The following ZFAND2B variants were observed in gnomAD, a reference collection of about 807,000 sequenced individuals.
ZFAND2B encodes the protein AN1-type zinc finger protein 2B.
Under a neutral mutation model 38.2 loss-of-function variants are expected in ZFAND2B, and 27 were observed. The ratio of observed to expected loss-of-function variants is 0.71; its 90% confidence interval spans 0.52 to 0.97. The LOEUF is 0.97. ZFAND2B is among the 50% of genes least tolerant of loss of function. The probability of loss-of-function intolerance (pLI) is 0.00; values close to 1 mark genes in which losing one functional copy is unlikely to be tolerated. For synonymous variants in ZFAND2B, 111 were observed against 119.4 expected, an observed-to-expected ratio of 0.93 and a Z score of 0.46; for missense variants, 303 against 331.5, an observed-to-expected ratio of 0.91 and a Z score of 0.67.
At position 219,209,294 on chromosome 2, in the gene ZFAND2B, C is replaced by T. The variant is rs549350866; in HGVS notation, c.762C>T (p.Cys254=). 1.0e-4 allele frequency: 162 copies of T among 1,611,144 alleles called. 4 individuals carry two copies. The South Asian group carries it at 1.5e-3, about 15-fold the overall frequency. ...AQSRSSKPSN[C]SLC ...GCCGCAGCTCGAAGCCGTCCAACTG[C>T]AGCCTGTGCTAGGGCCCTGGGCTTG... The change falls in exon 9 of 9, where the codon TGC becomes TGT. Residue 254 remains cysteine, a synonymous_variant. Coordinates refer to ENST00000289528, the MANE Select transcript of ZFAND2B (RefSeq NM_138802.3).
At position 219,206,870 on chromosome 2, in the gene ZFAND2B, G is replaced by A. The variant is rs1950490608; in HGVS notation, c.-118G>A. On this transcript the variant is annotated 5_prime_UTR_variant, in exon 1 of 9. Transcript: ENST00000289528. ...GGTAACCCGGGCTGGGCGGGGGAGA[G>A]GAAGGGGCGGGGCAGGGAGCCCGCC... The A allele has an allele frequency of 1.7e-6, 2 of 1,162,636 alleles. No homozygotes were observed. The highest frequency in any genetic ancestry group is 1.2e-6 in the Non-Finnish European group (1 of 834,692). 72.0% of individuals were successfully genotyped at this position (1,162,636 alleles called of 1,614,324 possible).
rs1950534759 is a variant in ZFAND2B, at chr2:219,208,997, T to C, written c.677T>C (p.Leu226Pro). 6 of 1,614,194 alleles carry C rather than the reference T, an allele frequency of 3.7e-6. No homozygotes were observed. Among genetic ancestry groups the C allele is most frequent in the African/African-American group, 1.3e-5 (1 of 75,054 alleles). The change falls in exon 8 of 9, where the codon CTA becomes CCA. Residue 226 changes from leucine to proline, a missense_variant. By Grantham distance (98) the Leu-to-Pro change is moderately conservative. Coordinates refer to ENST00000289528, the MANE Select transcript of ZFAND2B (RefSeq NM_138802.3). ...QVPSCQEEEDLALAQALSASE... is the reference protein window; with the variant it reads ...QVPSCQEEEDPALAQALSASE... ...CCCAGTTGTCAGGAGGAAGAAGACC[T>C]AGCTTTAGCACAAGCACTGTCAGCC...
rs1288371108 is a variant in ZFAND2B at position 219,208,502 on chromosome 2, G to T, written c.588+16G>T. 1 of 1,614,258 alleles carries T rather than the reference G, an allele frequency of 6.2e-7. No individual in the cohort carries two copies. ...GAATGGCCTGGTGAGTTGGGCAGAG[G>T]TTGGATGGACAGAAACAAACACACA... On this transcript the variant is annotated intron_variant, in intron 6 of 8. Transcript: ENST00000289528.
rs1460719165 is a variant in ZFAND2B, at chr2:219,209,394, C to T, written c.*88C>T. The T allele has an allele frequency of 1.3e-6, 2 of 1,493,874 alleles. No homozygotes were observed. Among genetic ancestry groups the T allele is most frequent in the African/African-American group, 2.8e-5 (2 of 72,718 alleles). 92.5% of individuals were successfully genotyped at this position (1,493,874 alleles called of 1,614,324 possible). A position where few individuals can be genotyped will look rare whatever the true frequency, so the allele number is the denominator to read the frequency against. ...ACACAGGGAGAGGAGGCCCGGAGCACCCTGGAGGGCAGAGACAAGCGGGAG... is the reference window on the plus strand; with the variant it reads ...ACACAGGGAGAGGAGGCCCGGAGCATCCTGGAGGGCAGAGACAAGCGGGAG... On this transcript the variant is annotated 3_prime_UTR_variant, in exon 9 of 9. Coordinates refer to ENST00000289528, the MANE Select transcript of ZFAND2B (RefSeq NM_138802.3).
In ZFAND2B at chr2:219,209,520, G is replaced by A; in HGVS notation, c.*214G>A. 1.4e-6 allele frequency: 1 copy of A among 715,758 alleles called. No homozygotes were observed. 44.3% of individuals were successfully genotyped at this position (715,758 alleles called of 1,614,324 possible). ...ACTGTTCCCTGGTTGGGCCCTCAGT[G>A]GATGCTGGCCAGGCCCTACTCTTAG... On this transcript the variant is annotated 3_prime_UTR_variant, in exon 9 of 9. Transcript: ENST00000289528.
rs1334941068 is a variant in ZFAND2B at position 219,207,696 on chromosome 2, G to A, written c.199G>A (p.Ala67Thr). The part of the protein sequence containing the change: ...CPLCNVPVPV[A>T]RGEPPDRAVG... The stretch of plus-strand genomic sequence containing the variant: ...TCTCTGTAATGTGCCTGTGCCTGTG[G>A]CCAGAGGGGAGCCCCCTGACCGTGC... The change falls in exon 3 of 9, where the codon GCC (alanine) becomes ACC (threonine). Residue 67 changes from alanine to threonine, a missense_variant. Ala to Thr is a moderately conservative substitution (Grantham distance 58). Coordinates refer to ENST00000289528, the MANE Select transcript of ZFAND2B (RefSeq NM_138802.3). 6.2e-7 allele frequency: 1 copy of A among 1,614,136 alleles called. No homozygotes were observed. Among genetic ancestry groups the A allele is most frequent in the East Asian group, 2.2e-5 (1 of 44,880 alleles).
Position 219,209,160 on chromosome 2 carries a change from T to C in ZFAND2B, c.730-102T>C, listed in dbSNP as rs1950537615. On this transcript the variant is annotated intron_variant, in intron 8 of 8. Coordinates refer to ENST00000289528, the MANE Select transcript of ZFAND2B (RefSeq NM_138802.3). ...TGGAATGGTGGTTATCGTCTGGTTTTCAGTATGACTCCAGCCCATGCTGAG... is the reference window on the plus strand; with the variant it reads ...TGGAATGGTGGTTATCGTCTGGTTTCCAGTATGACTCCAGCCCATGCTGAG... 1.9e-6 allele frequency: 3 copies of C among 1,575,346 alleles called. No individual in the cohort carries two copies. In the Admixed American group the frequency reaches 5.3e-5, roughly 28 times the overall value.
intron 8 of ZFAND2B, 78 bp downstream of exon 8, chr2:219,209,127 C>G: frequency 6.3e-7 from 1 of 1,593,758 alleles, no homozygotes; most frequent in Non-Finnish European, 8.6e-7. Flanking sequence ...CCTAGTGGTG[C>G]AGAGTTTTGG....
rs1306066384 is a variant in ZFAND2B at position 219,207,703 on chromosome 2, G to A, written c.206G>A (p.Gly69Glu). 23 of 1,614,052 alleles carry A rather than the reference G, an allele frequency of 1.4e-5. No homozygotes were observed. Among genetic ancestry groups the A allele is most frequent in the Non-Finnish European group, 1.8e-5 (21 of 1,180,034 alleles). The change falls in exon 3 of 9, where the codon GGG becomes GAG. Residue 69 changes from glycine (G) to glutamate (E), a missense_variant. By Grantham distance (98) the Gly-to-Glu change is moderately conservative (BLOSUM62 -2). Transcript: ENST00000289528. The part of the protein sequence containing the change: ...LCNVPVPVAR[G>E]EPPDRAVGEH... ...AATGTGCCTGTGCCTGTGGCCAGAG[G>A]GGAGCCCCCTGACCGTGCTGTGGGA...
intron 8 of ZFAND2B, 58 bp from the exon 9 acceptor site, chr2:219,209,204 C>T (rs1950538528): frequency 4.4e-6 from 7 of 1,576,356 alleles, no homozygotes; most frequent in African/African-American, 1.3e-5. Flanking sequence ...TGAGGGCTGT[C>T]CCTCATTTCC....
chr2:219,208,954 C>A, intron 7 of ZFAND2B, 23 bp from the exon 8 acceptor site: 1 of 1,613,108 alleles, frequency 6.2e-7, no homozygotes, highest in Non-Finnish European at 8.5e-7. Context: ...CATCATCCAA[C>A]TTAAACTGTT....
Position 219,207,953 on chromosome 2 carries a change from C to A in ZFAND2B, c.349C>A (p.Arg117Ser). Residue 117 changes from arginine to serine, a missense_variant, in exon 4 of 9, where the codon CGC (arginine) becomes AGC (serine). Coordinates refer to ENST00000289528, the MANE Select transcript of ZFAND2B (RefSeq NM_138802.3). Reference protein sequence around the residue: ...QREMMKLTCERCSRNFCIKHR... With the variant: ...QREMMKLTCESCSRNFCIKHR... ...AGAAATGATGAAACTGACCTGTGAACGCTGTAGCCGAAACTTCTGCATCAA... is the reference window on the plus strand; with the variant it reads ...AGAAATGATGAAACTGACCTGTGAAAGCTGTAGCCGAAACTTCTGCATCAA... The A allele has an allele frequency of 6.2e-7, 1 of 1,614,166 alleles. No individual in the cohort carries two copies. The highest frequency in any genetic ancestry group is 2.2e-5 in the East Asian group (1 of 44,886).
rs1259614776 is a variant in ZFAND2B, at chr2:219,209,413, G to A, written c.*107G>A. ...GGAGCACCCTGGAGGGCAGAGACAAGCGGGAGTGATGTGGAGGTCGCCCTG... is the reference window on the plus strand; with the variant it reads ...GGAGCACCCTGGAGGGCAGAGACAAACGGGAGTGATGTGGAGGTCGCCCTG... On this transcript the variant is annotated 3_prime_UTR_variant, in exon 9 of 9. Coordinates refer to ENST00000289528, the MANE Select transcript of ZFAND2B (RefSeq NM_138802.3). 7.2e-7 allele frequency: 1 copy of A among 1,385,330 alleles called. No individual in the cohort carries two copies. Among genetic ancestry groups the A allele is most frequent in the Non-Finnish European group, 1.0e-6 (1 of 992,802 alleles). The allele number at this position is 1,385,330 out of a possible 1,614,324, so 85.8% of individuals were successfully genotyped here.
Position 219,207,793 on chromosome 2 carries a change from G to A in ZFAND2B, c.282+14G>A. The A allele has an allele frequency of 6.2e-7, 1 of 1,613,968 alleles. No homozygotes were observed. The highest frequency in any genetic ancestry group is 8.5e-7 in the Non-Finnish European group (1 of 1,179,906). On this transcript the variant is annotated intron_variant, in intron 3 of 8. Coordinates refer to ENST00000289528, the MANE Select transcript of ZFAND2B (RefSeq NM_138802.3). ...CAAAAACGTAAGGTAAACATTGTAGGGGTCAGCCACAACCCAGCTGGGACT... is the reference window on the plus strand; with the variant it reads ...CAAAAACGTAAGGTAAACATTGTAGAGGTCAGCCACAACCCAGCTGGGACT...
rs776746101 is a variant in ZFAND2B, at chr2:219,206,978, C to T, written c.-10C>T. 3.1e-6 allele frequency: 5 copies of T among 1,612,350 alleles called. No homozygotes were observed. The Admixed American group carries it at 5.0e-5, about 16-fold the overall frequency. ...GTCGCTTCTCCTAGCAGACCCTGCCCGGCTTGGCGATGGAGTTTCCGGACC... is the reference window on the plus strand; with the variant it reads ...GTCGCTTCTCCTAGCAGACCCTGCCTGGCTTGGCGATGGAGTTTCCGGACC... On this transcript the variant is annotated 5_prime_UTR_variant, in exon 1 of 9. Coordinates refer to ENST00000289528, the MANE Select transcript of ZFAND2B (RefSeq NM_138802.3).
chr2:219,207,193 A>AAGG (rs1203107205), intron 1 of ZFAND2B, 134 bp from the exon 2 acceptor site: 1 of 1,365,702 alleles, frequency 7.3e-7, no homozygotes, highest in Non-Finnish European at 1.0e-6. Context: ...GGGCGTGGCC[A>AAGG]AGGAGGTAAT....
rs1950491494 is a variant in ZFAND2B, at chr2:219,206,908, C to T, written c.-80C>T. On this transcript the variant is annotated 5_prime_UTR_variant, in exon 1 of 9. Coordinates refer to ENST00000289528, the MANE Select transcript of ZFAND2B (RefSeq NM_138802.3). ...CAGGGAGCCCGCCAGAGTGCGGGGT[C>T]GCGGTGCGGACTTCGAGCACGAGCC... The T allele has an allele frequency of 4.0e-6, 6 of 1,485,964 alleles. No homozygotes were observed. The highest frequency in any genetic ancestry group is 3.7e-6 in the Non-Finnish European group (4 of 1,087,044). 92.0% of individuals were successfully genotyped at this position (1,485,964 alleles called of 1,614,324 possible).
chr2:219,208,656 T>A lies in ZFAND2B; in HGVS notation c.656+17T>A, dbSNP rs1950528517. 13 of 1,613,610 alleles carry A rather than the reference T, an allele frequency of 8.1e-6. No individual in the cohort carries two copies. In the East Asian group the frequency reaches 2.9e-4, roughly 36 times the overall value. ...GGTTCCAAGGTACCTTACCCTCTTGTGAAAGAGAGCGCAAGCTGTGGGCAA... is the reference window on the plus strand; with the variant it reads ...GGTTCCAAGGTACCTTACCCTCTTGAGAAAGAGAGCGCAAGCTGTGGGCAA... On this transcript the variant is annotated intron_variant, in intron 7 of 8. Transcript: ENST00000289528.
rs1950521372 is a variant in ZFAND2B, at chr2:219,208,315, G to A, written c.494G>A (p.Ser165Asn). ...VASTSTVPSP[S>N]QTMPSCTSPS... is the part of the protein sequence containing the mutation. The stretch of plus-strand genomic sequence containing the variant: ...TCTACAAGCACTGTCCCCAGCCCAA[G>A]TCAAACCATGCCTTCCTGTACCTCT... Residue 165 changes from serine to asparagine, a missense_variant, in exon 5 of 9, where the codon AGT (serine) becomes AAT (asparagine). Coordinates refer to ENST00000289528, the MANE Select transcript of ZFAND2B (RefSeq NM_138802.3). 1.2e-6 allele frequency: 2 copies of A among 1,614,166 alleles called. No homozygotes were observed. Among genetic ancestry groups the A allele is most frequent in the Non-Finnish European group, 1.7e-6 (2 of 1,180,034 alleles).
Sources: allele counts gnomAD v4.1 joint callset, GRCh38; gene constraint gnomAD v4.1.1; transcripts MANE v1.5; gene names NCBI Gene and HGNC (gene_info 2026-07-23, HGNC 2026-07-21).